Variants in NOD1 observed in about 807,000 individuals in gnomAD.
NOD1 encodes nucleotide binding oligomerization domain containing 1, also known as nucleotide-binding oligomerization domain-containing protein 1.
Under a neutral mutation model 81.2 loss-of-function variants are expected in NOD1, and 70 were observed. That is an observed-to-expected ratio of 0.86 (90% CI 0.71 to 1.05). NOD1 has a LOEUF of 1.05. Ranked by LOEUF, NOD1 falls within the 50% of genes least tolerant of loss-of-function variation. The pLI, the probability that NOD1 is intolerant of heterozygous loss-of-function variation, is 0.00. For synonymous variants in NOD1, 508 were observed against 526.9 expected (o/e 0.96, Z 0.49); for missense variants, 1,233 against 1,228.0 (o/e 1.00, Z -0.06).
At position 30,460,425 on chromosome 7, in the gene NOD1, G is replaced by A. The variant is rs971404711; in HGVS notation, c.-351-384C>T. ...CAGGCAAAGAGAGGACGGAGATTGG[G>A]CTGGGGCCAGGTATCTGGGAGCTGG... On this transcript the variant is annotated intron_variant, in intron 1 of 13. Coordinates refer to ENST00000222823, the MANE Select transcript of NOD1 (RefSeq NM_006092.4). 7 of 985,316 alleles carry A rather than the reference G, an allele frequency of 7.1e-6. No individual in the cohort carries two copies. The African/African-American group carries it at 1.2e-4, about 17-fold the overall frequency. 61.0% of individuals were successfully genotyped at this position (985,316 alleles called of 1,614,324 possible). A position where few individuals can be genotyped will look rare whatever the true frequency, so the allele number is the denominator to read the frequency against.
intron 1 of NOD1, chr7:30,460,633 G>C (rs1786944505): frequency 1.0e-6 from 1 of 985,466 alleles, no homozygotes; most frequent in Non-Finnish European, 1.2e-6. Flanking sequence ...AAATGAAGCA[G>C]AGGAGATCGG....
rs1223395617 is a variant in NOD1, at chr7:30,425,532, C to T, written c.*106G>A. 68 of 821,896 alleles carry T rather than the reference C, an allele frequency of 8.3e-5. 2 individuals are homozygous for T. The highest frequency in any genetic ancestry group is 7.6e-4 in the South Asian group (54 of 70,666). 50.9% of individuals were successfully genotyped at this position (821,896 alleles called of 1,614,324 possible). A position where few individuals can be genotyped will look rare whatever the true frequency, so the allele number is the denominator to read the frequency against. ...ATGGAGGCAGTGGACTCCTGATAGT[C>T]CCGCCTGCGCAGGCCCCTTTAAGAC... On this transcript the variant is annotated 3_prime_UTR_variant, in exon 14 of 14. Coordinates refer to ENST00000222823, the MANE Select transcript of NOD1 (RefSeq NM_006092.4).
At chr7:30,430,835 G>T (rs1783888833) in intron 12 of NOD1, among the ~76,000 whole-genome samples, 1 of 152,230 alleles carries the variant, frequency 6.6e-6, no homozygotes, top group Non-Finnish European at 1.5e-5. Flanking sequence ...GCTGCAGCCA[G>T]GATCTGGTGC....
chr7:30,458,861 C>A (rs1279531854), intron 3 of NOD1, among the ~76,000 whole-genome samples: 1 of 151,946 alleles, frequency 6.6e-6, no homozygotes, highest in African/African-American at 2.4e-5. Flanking sequence ...ATCAGCCACC[C>A]GAGTAGCTAG....
intron 4 of NOD1, among the ~76,000 whole-genome samples, chr7:30,455,800 C>G (rs1223897808): frequency 1.3e-5 from 2 of 152,080 alleles, no homozygotes; most frequent in Non-Finnish European, 2.9e-5. Context: ...CGGGTTTTCC[C>G]CATGTTGGCC....
At chr7:30,466,849 G>A (rs1374863544) in intron 1 of NOD1, among the ~76,000 whole-genome samples, 1 of 152,010 alleles carries the variant, frequency 6.6e-6, no homozygotes, top group Non-Finnish European at 1.5e-5. Flanking sequence ...ATCTATATAG[G>A]GAGATACTGC....
Position 30,452,313 on chromosome 7 carries a change from C to A in NOD1, c.1104G>T (p.Arg368=). 1 of 1,613,380 alleles carries A rather than the reference C, an allele frequency of 6.2e-7. No individual in the cohort carries two copies. Among genetic ancestry groups the A allele is most frequent in the Non-Finnish European group, 8.5e-7 (1 of 1,179,934 alleles). The change falls in exon 6 of 14, where the codon CGG becomes CGT. Residue 368 remains arginine, a synonymous_variant. Coordinates refer to ENST00000222823, the MANE Select transcript of NOD1 (RefSeq NM_006092.4). The stretch of plus-strand genomic sequence containing the variant: ...GGCTCAGCAGGCGGTCCTGCAGGGC[C>A]CGCTCGGGGAACATCCTCCTGGCAT... The part of the protein sequence containing the change: ...RAYARRMFPE[R]ALQDRLLSQL...
At chr7:30,455,469 C>T (rs139597925) in intron 4 of NOD1, among the ~76,000 whole-genome samples, 158 bp from the exon 5 acceptor site, 309 of 151,982 alleles carry the variant, frequency 2.0e-3, no homozygotes, top group African/African-American at 6.6e-3. Flanking sequence ...TATTGGAGCC[C>T]GAAAATCTGT....
intron 9 of NOD1, among the ~76,000 whole-genome samples, chr7:30,441,102 G>C (rs1784844915): frequency 2.4e-5 from 1 of 41,284 alleles, no homozygotes; most frequent in Non-Finnish European, 4.7e-5. Flanking sequence ...AGCTCCTGAA[G>C]GAAGCGGTAA....
chr7:30,446,059 C>T (rs1431014130), intron 9 of NOD1, 82 bp downstream of exon 9: 14 of 1,039,476 alleles, frequency 1.3e-5, no homozygotes, highest in Non-Finnish European at 2.1e-5. Flanking sequence ...TTCTGGTGTA[C>T]TGATGTATGA....
intron 4 of NOD1, 113 bp downstream of exon 4, chr7:30,456,608 A>G (rs2128068798): frequency 1.1e-6 from 1 of 873,060 alleles, no homozygotes; most frequent in Non-Finnish European, 1.9e-6. Context: ...CCCAAAATGC[A>G]GCCCTGCCCG....
At chr7:30,430,701 T>C (rs1783873613) in intron 12 of NOD1, among the ~76,000 whole-genome samples, 1 of 152,206 alleles carries the variant, frequency 6.6e-6, no homozygotes, top group Non-Finnish European at 1.5e-5. Flanking sequence ...AGAATAACTA[T>C]AAGAGTGCCC....
intron 11 of NOD1, among the ~76,000 whole-genome samples, 174 bp downstream of exon 11, chr7:30,435,818 GTGTGGT>G (rs1784331618): frequency 6.6e-6 from 1 of 152,038 alleles, no homozygotes; most frequent in South Asian, 2.1e-4. Context: ...AATTAACTGG[GTGTGGT>G]GGTGCATGCC....
intron 1 of NOD1, among the ~76,000 whole-genome samples, chr7:30,471,860 C>T (rs1435666726): frequency 6.6e-6 from 1 of 152,168 alleles, no homozygotes; most frequent in Non-Finnish European, 1.5e-5. Context: ...TGCCGGGTGC[C>T]TAGGAGGCCC....
chr7:30,472,885 C>T (rs1788411682), intron 1 of NOD1, among the ~76,000 whole-genome samples: 1 of 152,238 alleles, frequency 6.6e-6, no homozygotes, highest in African/African-American at 2.4e-5. Flanking sequence ...ACCCGGCAGC[C>T]TCCAAATTCC....
intron 1 of NOD1, among the ~76,000 whole-genome samples, chr7:30,474,530 C>A (rs1279763664): frequency 6.6e-6 from 1 of 152,232 alleles, no homozygotes; most frequent in Admixed American, 6.5e-5. Flanking sequence ...CTCAGATCAT[C>A]AGGCATTAAA....
intron 13 of NOD1, 25 bp from the exon 14 acceptor site, chr7:30,425,735 G>A (rs1783388700): frequency 6.5e-7 from 1 of 1,538,600 alleles, no homozygotes; most frequent in East Asian, 2.2e-5. Flanking sequence ...GAAGACAAAA[G>A]TACACAGGTA....
intron 5 of NOD1, among the ~76,000 whole-genome samples, chr7:30,454,237 TG>T (rs1786105280): frequency 6.6e-6 from 1 of 152,240 alleles, no homozygotes; most frequent in South Asian, 2.1e-4. Flanking sequence ...CTTAGGTCCT[TG>T]GTGCTGGTAT....
At chr7:30,437,289 T>C (rs1784461073) in intron 10 of NOD1, among the ~76,000 whole-genome samples, 1 of 152,158 alleles carries the variant, frequency 6.6e-6, no homozygotes, top group African/African-American at 2.4e-5. Context: ...GCTTAAAACC[T>C]AGATGACAGG....
Sources: allele counts gnomAD v4.1 joint callset (sites outside exome capture counted in the v4.1 genomes callset), GRCh38; gene constraint gnomAD v4.1.1; transcripts MANE v1.5; gene names NCBI Gene and HGNC (gene_info 2026-07-23, HGNC 2026-07-21).